Variants in SNX18 observed in about 807,000 individuals in gnomAD.
The protein encoded by SNX18 is sorting nexin-18.
In SNX18, 35 loss-of-function variants were observed where a neutral mutation model predicts 48.7. The ratio of observed to expected loss-of-function variants is 0.72; its 90% CI spans 0.55 to 0.95. The LOEUF is 0.95. Ranked by LOEUF, SNX18 falls within the 40% of genes least tolerant of loss-of-function variation. The pLI, the probability that SNX18 is intolerant of heterozygous loss-of-function variation, is 0.00. For synonymous variants in SNX18, 492 were observed against 384.7 expected (o/e 1.28, Z -3.26); for missense variants, 824 against 871.0 (o/e 0.95, Z 0.68).
the SNX18 span, among the ~76,000 whole-genome samples, chr5:54,638,151 A>ATTGTTAAAGAAACT: frequency 6.6e-6 from 1 of 152,248 alleles, no homozygotes; most frequent in African/African-American, 2.4e-5. Context: ...TTTCTTTAAC[A>ATTGTTAAAGAAACT]ATGGCTGCTG....
chr5:54,524,708 G>C (rs1991006), intron 1 of SNX18, among the ~76,000 whole-genome samples: 45,052 of 152,154 alleles, frequency 0.3, 6,885 homozygotes, highest in East Asian at 0.43. Context: ...GCTGAGCTCT[G>C]TTTGACAAGA....
the SNX18 span, among the ~76,000 whole-genome samples, chr5:54,564,267 AAAATAAAT>A: frequency 8.6e-5 from 13 of 151,962 alleles, no homozygotes; most frequent in African/African-American, 2.7e-4. Context: ...ACTCCATCTC[AAAATAAAT>A]AAATAAATAA....
intron 1 of SNX18, among the ~76,000 whole-genome samples, chr5:54,529,314 C>T (rs1762207050): frequency 6.6e-6 from 1 of 152,124 alleles, no homozygotes; most frequent in Non-Finnish European, 1.5e-5. Flanking sequence ...CTGGAGATGG[C>T]CTGGAGCGGG....
the SNX18 span, among the ~76,000 whole-genome samples, chr5:54,606,904 G>A: frequency 2.0e-5 from 3 of 152,046 alleles, no homozygotes; most frequent in Non-Finnish European, 4.4e-5. Flanking sequence ...CCACAGTCAA[G>A]ATACTGACAG....
At position 54,543,764 on chromosome 5, in the gene SNX18, AG is replaced by A. The variant is rs1311677578; in HGVS notation, c.*335del. 6.9e-5 allele frequency: 14 copies of A among 202,570 alleles called. No individual in the cohort carries two copies. Among genetic ancestry groups the A allele is most frequent in the Non-Finnish European group, 1.2e-4 (12 of 100,028 alleles). The allele number at this position is 202,570 out of a possible 1,614,324, so 12.5% of individuals were successfully genotyped here. A position where few individuals can be genotyped will look rare whatever the true frequency, so the allele number is the denominator to read the frequency against. ...ACTTTGTAGACCTCAAAACCCATGA[AG>A]GGTCTCAAAGAAGCTGGCTGGATAC... On this transcript the variant is annotated 3_prime_UTR_variant, in exon 2 of 2. Transcript: ENST00000381410.
chr5:54,606,018 TC>T, the SNX18 span, among the ~76,000 whole-genome samples: 1 of 152,338 alleles, frequency 6.6e-6, no homozygotes, highest in Admixed American at 6.5e-5. Context: ...TTTCTTCCTT[TC>T]CTTTGAATTG....
the SNX18 span, among the ~76,000 whole-genome samples, chr5:54,556,567 T>A: frequency 6.6e-6 from 1 of 152,236 alleles, no homozygotes. Context: ...ATTAGCAATC[T>A]TAATTCCATA....
At chr5:54,598,772 T>C in the SNX18 span, among the ~76,000 whole-genome samples, 1 of 152,024 alleles carries the variant, frequency 6.6e-6, no homozygotes. Context: ...CCACAGCCAA[T>C]AGCATACTGA....
the SNX18 span, among the ~76,000 whole-genome samples, chr5:54,627,849 T>C: frequency 6.6e-6 from 1 of 152,176 alleles, no homozygotes; most frequent in African/African-American, 2.4e-5. Context: ...GGAGGCCCTG[T>C]AAGGATGAGA....
chr5:54,626,010 A>G, the SNX18 span, among the ~76,000 whole-genome samples: 1 of 152,204 alleles, frequency 6.6e-6, no homozygotes, highest in Non-Finnish European at 1.5e-5. Context: ...GAACAACTTG[A>G]TCCAGATATA....
At chr5:54,630,460 G>T in the SNX18 span, among the ~76,000 whole-genome samples, 1 of 152,134 alleles carries the variant, frequency 6.6e-6, no homozygotes, top group African/African-American at 2.4e-5. Context: ...CCATCTTGGC[G>T]AAAGTGCTGC....
At chr5:54,576,394 A>G in the SNX18 span, among the ~76,000 whole-genome samples, 1 of 152,226 alleles carries the variant, frequency 6.6e-6, no homozygotes, top group Admixed American at 6.5e-5. Flanking sequence ...AGACCTATGG[A>G]TGCAGTGGTT....
chr5:54,585,344 C>T, the SNX18 span, among the ~76,000 whole-genome samples: 1 of 148,452 alleles, frequency 6.7e-6, no homozygotes, highest in African/African-American at 2.5e-5. Context: ...CATATCCCGA[C>T]AAACTCCCTG....
the SNX18 span, among the ~76,000 whole-genome samples, chr5:54,622,949 A>C: frequency 6.6e-6 from 1 of 152,226 alleles, no homozygotes; most frequent in South Asian, 2.1e-4. Context: ...AAAAGAATAA[A>C]TATCAAATTC....
the SNX18 span, among the ~76,000 whole-genome samples, chr5:54,633,940 C>T: frequency 1.3e-5 from 2 of 152,124 alleles, no homozygotes; most frequent in African/African-American, 2.4e-5. Flanking sequence ...CAGAAACACA[C>T]GAAGTATTAT....
intron 1 of SNX18, among the ~76,000 whole-genome samples, chr5:54,538,637 C>T (rs904174242): frequency 5.3e-5 from 8 of 152,166 alleles, no homozygotes; most frequent in African/African-American, 1.9e-4. Flanking sequence ...TATTTTAAAA[C>T]TTTGCAAAGT....
At chr5:54,582,181 G>T in the SNX18 span, among the ~76,000 whole-genome samples, 1 of 152,192 alleles carries the variant, frequency 6.6e-6, no homozygotes, top group Non-Finnish European at 1.5e-5. Context: ...TGGTCATTTT[G>T]TTAGAAATTA....
At chr5:54,605,542 A>T in the SNX18 span, among the ~76,000 whole-genome samples, 1 of 152,202 alleles carries the variant, frequency 6.6e-6, no homozygotes, top group Non-Finnish European at 1.5e-5. Flanking sequence ...TTTAGTTGAA[A>T]ACAATGTTTT....
At chr5:54,599,861 C>T in the SNX18 span, among the ~76,000 whole-genome samples, 1 of 152,064 alleles carries the variant, frequency 6.6e-6, no homozygotes, top group African/African-American at 2.4e-5. Context: ...ACTTAAATGT[C>T]AAACGCAAAA....
Sources: gnomAD v4.1 joint callset for allele counts (sites outside exome capture counted in the v4.1 genomes callset) on GRCh38, gnomAD v4.1.1 for gene constraint, MANE v1.5 for transcripts, NCBI Gene and HGNC (gene_info 2026-07-23, HGNC 2026-07-21) for gene names.